The following JPH3 variants were observed in gnomAD, a reference collection of about 807,000 sequenced individuals.
JPH3 encodes the protein junctophilin-3.
A neutral mutation model predicts 59.6 loss-of-function variants in JPH3; 11 were observed. That is an observed-to-expected ratio of 0.18 (90% CI 0.12 to 0.31). The LOEUF is 0.31. Ranked by LOEUF, JPH3 falls within the 10% of genes least tolerant of loss-of-function variation. The pLI, the probability that JPH3 is intolerant of heterozygous loss-of-function variation, is 1.00. For missense variants in JPH3, 1,202 were observed against 1,105.7 expected, an observed-to-expected ratio of 1.09 and a Z score of -1.24; for synonymous variants, 673 against 483.6, an observed-to-expected ratio of 1.39 and a Z score of -5.14.
intron 4 of JPH3, chr16:87,695,465 C>T (rs768215017): frequency 9.9e-5 from 45 of 455,708 alleles, no homozygotes; most frequent in Non-Finnish European, 1.6e-4. Flanking sequence ...TCCGGGGGCT[C>T]TGAACAGCTC....
At chr16:87,646,882 T>A (rs1416509766) in intron 2 of JPH3, among the ~76,000 whole-genome samples, 2 of 152,178 alleles carry the variant, frequency 1.3e-5, no homozygotes, top group Non-Finnish European at 2.9e-5. Context: ...ACTGGGTGGA[T>A]GTCTGTAGGA....
chr16:87,656,613 C>A (rs117899681), intron 2 of JPH3, among the ~76,000 whole-genome samples: 2 of 152,156 alleles, frequency 1.3e-5, no homozygotes, highest in African/African-American at 4.8e-5. Context: ...TGGGAACATT[C>A]GAGGCCCTGG....
chr16:87,696,601 G>C lies in JPH3; in HGVS notation c.2188G>C (p.Val730Leu), dbSNP rs2033869463. The change falls in exon 5 of 5, where the codon GTC (valine) becomes CTC (leucine). Residue 730 changes from valine to leucine, a missense_variant. Coordinates refer to ENST00000284262, the MANE Select transcript of JPH3 (RefSeq NM_020655.4). The part of the protein sequence containing the change: ...SSTGSAPILV[V>L]MVILLNIGVA... ...CCAGGGCTCAGCGCCTATCCTGGTG[G>C]TCATGGTGATCTTGCTCAACATCGG... 1.2e-6 allele frequency: 2 copies of C among 1,613,452 alleles called. No individual in the cohort carries two copies. The highest frequency in any genetic ancestry group is 1.7e-6 in the Non-Finnish European group (2 of 1,179,930).
intron 1 of JPH3, among the ~76,000 whole-genome samples, chr16:87,613,591 G>C (rs59794745): frequency 0.034 from 5,245 of 152,262 alleles, 326 homozygotes; most frequent in African/African-American, 0.12. Context: ...AAAGTGCTGG[G>C]ATTACAGGTG....
At chr16:87,603,598 C>A in intron 1 of JPH3, 70 bp downstream of exon 1, 1 of 1,492,512 alleles carries the variant, frequency 6.7e-7, no homozygotes, top group South Asian at 1.3e-5. Flanking sequence ...TTCTGTGGAT[C>A]TCTGGGGAAG....
chr16:87,693,229 G>A (rs990499058), intron 4 of JPH3, among the ~76,000 whole-genome samples: 3 of 152,216 alleles, frequency 2.0e-5, no homozygotes, highest in Admixed American at 6.5e-5. Context: ...GTTGCGGAGG[G>A]TGTGGGCCTG....
intron 2 of JPH3, among the ~76,000 whole-genome samples, chr16:87,646,955 G>C (rs1467942133): frequency 6.6e-6 from 1 of 152,290 alleles, no homozygotes; most frequent in South Asian, 2.1e-4. Context: ...AAGAGAAGCG[G>C]GTTCCCATTA....
At chr16:87,667,869 C>T (rs2032912644) in intron 2 of JPH3, among the ~76,000 whole-genome samples, 1 of 152,150 alleles carries the variant, frequency 6.6e-6, no homozygotes, top group Non-Finnish European at 1.5e-5. Context: ...AAATGCAAAA[C>T]CCGTTCCTAG....
In JPH3 at chr16:87,696,813, C is replaced by T. The variant is rs2142856967; in HGVS notation, c.*153C>T. On this transcript the variant is annotated 3_prime_UTR_variant, in exon 5 of 5. Coordinates refer to ENST00000284262, the MANE Select transcript of JPH3 (RefSeq NM_020655.4). ...GAACCACACGATTGGGTATCACTCACAGTTTGCCTTTTTTTCTGGGTAATG... is the reference window on the plus strand; with the variant it reads ...GAACCACACGATTGGGTATCACTCATAGTTTGCCTTTTTTTCTGGGTAATG... 1 of 656,694 alleles carries T rather than the reference C, an allele frequency of 1.5e-6. No homozygotes were observed. 40.7% of individuals were successfully genotyped at this position (656,694 alleles called of 1,614,324 possible).
At chr16:87,657,745 G>T (rs73238290) in intron 2 of JPH3, among the ~76,000 whole-genome samples, 6 of 152,152 alleles carry the variant, frequency 3.9e-5, no homozygotes, top group African/African-American at 1.4e-4. Context: ...CCATGAGCTG[G>T]TCCTTTAAGG....
At chr16:87,645,185 C>T in intron 2 of JPH3, 150 bp downstream of exon 2, 1 of 805,340 alleles carries the variant, frequency 1.2e-6, no homozygotes, top group Non-Finnish European at 1.9e-6. Context: ...CCCATGGAAC[C>T]CTAGGGTTCC....
chr16:87,636,497 G>C (rs143537714), intron 1 of JPH3, among the ~76,000 whole-genome samples: 2 of 152,312 alleles, frequency 1.3e-5, no homozygotes, highest in Non-Finnish European at 2.9e-5. Context: ...CAACTGCGGC[G>C]AGCGTGGAGG....
In JPH3 at chr16:87,602,623, C is replaced by G. The variant is rs1377718997; in HGVS notation, c.-524C>G. Among the ~76,000 whole-genome samples, 4 of 141,400 alleles carry G rather than the reference C, an allele frequency of 2.8e-5. No homozygotes were observed. Among genetic ancestry groups the G allele is most frequent in the Non-Finnish European group, 6.3e-5 (4 of 63,772 alleles). The allele number at this position is 141,400 out of a possible 152,430, so 92.8% of individuals were successfully genotyped here. A position where few individuals can be genotyped will look rare whatever the true frequency, so the allele number is the denominator to read the frequency against. On this transcript the variant is annotated 5_prime_UTR_variant, in exon 1 of 5. Coordinates refer to ENST00000284262, the MANE Select transcript of JPH3 (RefSeq NM_020655.4). ...GCCGCCCCGCGCCCGGCCCGCGGCC[C>G]CCAATATGGTGCAGCCGCCAGCGCC...
rs182328665 is a variant in JPH3, at chr16:87,694,296, G to A, written c.2167-2284G>A. On this transcript the variant is annotated intron_variant, in intron 4 of 4. Transcript: ENST00000284262. ...GCCACGTGCTCAAGCAGGCACCCAG[G>A]GAAGACCAGCCTAGGTGCTGGCGTG... The A allele has an allele frequency of 9.7e-4, 148 of 152,414 alleles. 1 individual carries two copies. The highest frequency in any genetic ancestry group is 3.5e-3 in the African/African-American group (145 of 41,560). The allele number at this position is 152,414 out of a possible 1,614,324, so 9.4% of individuals were successfully genotyped here. A position where few individuals can be genotyped will look rare whatever the true frequency, so the allele number is the denominator to read the frequency against.
chr16:87,630,615 TC>T (rs1374729751), intron 1 of JPH3, among the ~76,000 whole-genome samples: 1 of 152,212 alleles, frequency 6.6e-6, no homozygotes, highest in Non-Finnish European at 1.5e-5. Flanking sequence ...CTTCCCCTCC[TC>T]CTTAAAATTT....
At chr16:87,665,346 AG>A (rs925103855) in intron 2 of JPH3, among the ~76,000 whole-genome samples, 8 of 152,006 alleles carry the variant, frequency 5.3e-5, no homozygotes, top group African/African-American at 1.7e-4. Flanking sequence ...GTCTTGGGGT[AG>A]GGTCTGAGCC....
chr16:87,662,193 T>C (rs1376772538), intron 2 of JPH3, among the ~76,000 whole-genome samples: 1 of 152,184 alleles, frequency 6.6e-6, no homozygotes, highest in Admixed American at 6.5e-5. Flanking sequence ...GAGCCTGGGC[T>C]CTGCTGCTGT....
chr16:87,696,828 T>TC lies in JPH3; in HGVS notation c.*169dup. 1 of 631,708 alleles carries TC rather than the reference T, an allele frequency of 1.6e-6. No individual in the cohort carries two copies. Among genetic ancestry groups the TC allele is most frequent in the Non-Finnish European group, 2.8e-6 (1 of 356,980 alleles). 39.1% of individuals were successfully genotyped at this position (631,708 alleles called of 1,614,324 possible). On this transcript the variant is annotated 3_prime_UTR_variant, in exon 5 of 5. Coordinates refer to ENST00000284262, the MANE Select transcript of JPH3 (RefSeq NM_020655.4). ...GTATCACTCACAGTTTGCCTTTTTT[T>TC]CTGGGTAATGTTTTTTGGATTTTAG...
At chr16:87,645,162 C>G in intron 2 of JPH3, 127 bp downstream of exon 2, 2 of 964,100 alleles carry the variant, frequency 2.1e-6, no homozygotes, top group East Asian at 2.6e-5. Flanking sequence ...ACTGGTGTTT[C>G]TCAAACTATG....
Sources: gnomAD v4.1 joint callset for allele counts (sites outside exome capture counted in the v4.1 genomes callset) on GRCh38, gnomAD v4.1.1 for gene constraint, MANE v1.5 for transcripts, NCBI Gene and HGNC (gene_info 2026-07-23, HGNC 2026-07-21) for gene names.